Variants in KCNMA1 observed in about 807,000 individuals in gnomAD.
KCNMA1 encodes the protein potassium calcium-activated channel subfamily M alpha 1.
Under a neutral mutation model 140.0 loss-of-function variants are expected in KCNMA1, and 29 were observed. That is an observed-to-expected ratio of 0.21 (90% CI 0.15 to 0.28). KCNMA1 has a LOEUF of 0.28. Among genes scored for constraint, KCNMA1 ranks in the 10% least tolerant of loss-of-function variants. The probability of loss-of-function intolerance (pLI) is 1.00; values close to 1 mark genes in which losing one functional copy is unlikely to be tolerated. For synonymous variants in KCNMA1, 612 were observed against 611.9 expected (o/e 1.00, Z 0.00); for missense variants, 880 against 1,602.2 (o/e 0.55, Z 7.70).
intron 1 of KCNMA1, among the ~76,000 whole-genome samples, chr10:77,485,887 C>T (rs935602158): frequency 6.6e-6 from 1 of 152,030 alleles, no homozygotes; most frequent in African/African-American, 2.4e-5. Context: ...TCCCAGAATG[C>T]CAGAGTTTAG....
chr10:77,572,686 G>T (rs2072108723), intron 1 of KCNMA1, among the ~76,000 whole-genome samples: 1 of 138,252 alleles, frequency 7.2e-6, no homozygotes, highest in Non-Finnish European at 1.5e-5. Flanking sequence ...AGCTCGAGAG[G>T]TCAAGGCTGC....
chr10:77,563,625 G>A (rs1567569318), intron 1 of KCNMA1, among the ~76,000 whole-genome samples: 1 of 152,094 alleles, frequency 6.6e-6, no homozygotes, highest in Non-Finnish European at 1.5e-5. Flanking sequence ...AGGAAAAAGG[G>A]AGTGTCATGC....
intron 23 of KCNMA1, among the ~76,000 whole-genome samples, chr10:76,941,053 GAGAAAGAAAGAAAGAA>G (rs1481372013): frequency 1.8e-5 from 1 of 55,156 alleles, no homozygotes; most frequent in Non-Finnish European, 3.3e-5. Context: ...AAGAAAGAAA[GAGAAAGAAAGAAAGAA>G]AAAGAAAGAA....
At chr10:77,006,427 C>T (rs993431714) in intron 18 of KCNMA1, among the ~76,000 whole-genome samples, 1 of 152,110 alleles carries the variant, frequency 6.6e-6, no homozygotes, top group East Asian at 1.9e-4. Context: ...CAGCAACTAA[C>T]GTTACTAATA....
intron 5 of KCNMA1, among the ~76,000 whole-genome samples, chr10:77,161,958 C>T (rs1447979010): frequency 6.6e-6 from 1 of 152,224 alleles, no homozygotes; most frequent in Non-Finnish European, 1.5e-5. Flanking sequence ...TGCTATGATC[C>T]ATATGTATCT....
At chr10:77,571,194 A>G (rs1433741963) in intron 1 of KCNMA1, among the ~76,000 whole-genome samples, 11 of 152,200 alleles carry the variant, frequency 7.2e-5, no homozygotes, top group Admixed American at 7.2e-4. Flanking sequence ...ACCCTCGGGA[A>G]TCTGATTCTT....
At chr10:76,951,728 C>T (rs1190430504) in intron 21 of KCNMA1, among the ~76,000 whole-genome samples, 1 of 152,176 alleles carries the variant, frequency 6.6e-6, no homozygotes, top group Non-Finnish European at 1.5e-5. Context: ...ACAGCACCTC[C>T]CAGTCTCTTT....
At chr10:77,389,681 C>A (rs554979000) in intron 2 of KCNMA1, among the ~76,000 whole-genome samples, 1 of 152,300 alleles carries the variant, frequency 6.6e-6, no homozygotes, top group East Asian at 1.9e-4. Flanking sequence ...AAGAAGCCAA[C>A]TCCTTCTCAT....
At chr10:77,293,340 T>C (rs2073943071) in intron 2 of KCNMA1, among the ~76,000 whole-genome samples, 1 of 152,062 alleles carries the variant, frequency 6.6e-6, no homozygotes, top group Non-Finnish European at 1.5e-5. Flanking sequence ...TCCTAATGAG[T>C]TTGCACAACA....
At chr10:77,514,960 T>C (rs2049869020) in intron 1 of KCNMA1, among the ~76,000 whole-genome samples, 1 of 152,130 alleles carries the variant, frequency 6.6e-6, no homozygotes, top group Admixed American at 6.6e-5. Context: ...CCTCCTTTTC[T>C]TTATGAGATA....
At chr10:77,392,131 CGAGGAAGGAAGGGAGG>C (rs2095852039) in intron 2 of KCNMA1, among the ~76,000 whole-genome samples, 2 of 126,712 alleles carry the variant, frequency 1.6e-5, no homozygotes, top group Admixed American at 1.7e-4. Flanking sequence ...TGGAATGAGG[CGAGGAAGGAAGGGAGG>C]GAGGGAGGAA....
rs1262802860 is a variant in KCNMA1, at chr10:76,885,760, A to G, written c.*1506T>C. The G allele has an allele frequency of 2.0e-6, 2 of 985,238 alleles. No homozygotes were observed. The highest frequency in any genetic ancestry group is 1.2e-4 in the Admixed American group (2 of 16,266). The allele number at this position is 985,238 out of a possible 1,614,324, so 61.0% of individuals were successfully genotyped here. A position where few individuals can be genotyped will look rare whatever the true frequency, so the allele number is the denominator to read the frequency against. On this transcript the variant is annotated 3_prime_UTR_variant, in exon 28 of 28. Coordinates refer to ENST00000286628, the MANE Select transcript of KCNMA1 (RefSeq NM_001161352.2). The stretch of plus-strand genomic sequence containing the variant: ...CCGCACTGCCTAAAGCATGATTTGC[A>G]TGCACAAAGCATCTGACAACTATAT...
intron 1 of KCNMA1, among the ~76,000 whole-genome samples, chr10:77,555,599 C>A (rs1473163075): frequency 6.6e-6 from 1 of 152,196 alleles, no homozygotes; most frequent in Non-Finnish European, 1.5e-5. Flanking sequence ...AAGAGCTTCT[C>A]ACAGCTTTAA....
intron 1 of KCNMA1, among the ~76,000 whole-genome samples, chr10:77,599,610 T>G (rs2082005704): frequency 6.6e-6 from 1 of 152,194 alleles, no homozygotes; most frequent in Admixed American, 6.5e-5. Context: ...CTATCTGTCT[T>G]CAGATTAAGT....
At chr10:77,332,899 AC>A (rs1297568103) in intron 2 of KCNMA1, among the ~76,000 whole-genome samples, 2 of 152,194 alleles carry the variant, frequency 1.3e-5, no homozygotes, top group African/African-American at 4.8e-5. Flanking sequence ...ACATACATGC[AC>A]CTGTGTGTTA....
intron 5 of KCNMA1, among the ~76,000 whole-genome samples, chr10:77,142,369 TA>T (rs10710538): frequency 0.4 from 52,222 of 131,910 alleles, 10,395 homozygotes; most frequent in East Asian, 0.87. Flanking sequence ...AGACTCCATT[TA>T]AAAAAAAAAA....
At chr10:77,050,850 T>C (rs1320029056) in intron 14 of KCNMA1, among the ~76,000 whole-genome samples, 3 of 152,322 alleles carry the variant, frequency 2.0e-5, no homozygotes, top group Non-Finnish European at 2.9e-5. Context: ...CCATGAAGTA[T>C]TGCTAGATAT....
At chr10:77,433,303 C>T (rs1305962001) in intron 1 of KCNMA1, among the ~76,000 whole-genome samples, 2 of 152,116 alleles carry the variant, frequency 1.3e-5, no homozygotes, top group African/African-American at 4.8e-5. Flanking sequence ...CAGGTGCACA[C>T]CACCACATCT....
At chr10:77,323,832 G>C (rs1002378984) in intron 2 of KCNMA1, among the ~76,000 whole-genome samples, 1 of 152,164 alleles carries the variant, frequency 6.6e-6, no homozygotes, top group Non-Finnish European at 1.5e-5. Context: ...AGATGGGGAG[G>C]GATTCAGGGA....
Sources: allele counts gnomAD v4.1 joint callset (sites outside exome capture counted in the v4.1 genomes callset), GRCh38; gene constraint gnomAD v4.1.1; transcripts MANE v1.5; gene names NCBI Gene and HGNC (gene_info 2026-07-23, HGNC 2026-07-21).